The following OR1J2 variants were observed in gnomAD, a reference collection of about 807,000 sequenced individuals.
The protein encoded by OR1J2 is olfactory receptor family 1 subfamily J member 2, also known as olfactory receptor 1J2.
For synonymous variants in OR1J2, 142 were observed against 99.7 expected (o/e 1.42, Z -2.52); for missense variants, 304 against 246.1 (o/e 1.24, Z -1.57).
chr9:122,518,385 C>A, the OR1J2 span, among the ~76,000 whole-genome samples: 1,420 of 152,308 alleles, frequency 9.3e-3, 21 homozygotes, highest in African/African-American at 0.033. Flanking sequence ...AGCCCCAGAT[C>A]AAGGTACCAG....
chr9:122,493,864 G>A, the OR1J2 span, among the ~76,000 whole-genome samples: 6 of 152,088 alleles, frequency 3.9e-5, no homozygotes, highest in African/African-American at 1.4e-4. Context: ...CACTGCTTTT[G>A]CTGTATCCCA....
downstream of OR1J2, among the ~76,000 whole-genome samples, chr9:122,516,581 G>T (rs529398074): frequency 1.3e-5 from 2 of 152,148 alleles, no homozygotes; most frequent in Non-Finnish European, 2.9e-5. Context: ...GGGATTACAG[G>T]CGTGAGCCAC....
the OR1J2 span, among the ~76,000 whole-genome samples, chr9:122,578,908 T>C: frequency 6.6e-6 from 1 of 151,876 alleles, no homozygotes; most frequent in African/African-American, 2.4e-5. Context: ...AACTTAAACA[T>C]GTAACCAAAC....
chr9:122,554,973 A>G, the OR1J2 span, among the ~76,000 whole-genome samples: 2 of 152,088 alleles, frequency 1.3e-5, no homozygotes, highest in African/African-American at 4.8e-5. Flanking sequence ...ATTTGATGCA[A>G]AGCAATCTGG....
chr9:122,465,770 C>T, the OR1J2 span, among the ~76,000 whole-genome samples: 73 of 152,318 alleles, frequency 4.8e-4, no homozygotes, highest in African/African-American at 1.7e-3. Flanking sequence ...ACTTGTTCCT[C>T]GTTGGAGGAG....
the OR1J2 span, among the ~76,000 whole-genome samples, chr9:122,493,952 A>G: frequency 1.3e-5 from 2 of 152,210 alleles, no homozygotes; most frequent in African/African-American, 4.8e-5. Context: ...ACAATCATTC[A>G]GGAACAGGTT....
At chr9:122,477,106 G>T in the OR1J2 span, 2 of 1,613,704 alleles carry the variant, frequency 1.2e-6, no homozygotes, top group Non-Finnish European at 8.5e-7. Context: ...TATCACTGAA[G>T]CAATTATGTT....
At chr9:122,548,898 T>G in the OR1J2 span, among the ~76,000 whole-genome samples, 2 of 151,988 alleles carry the variant, frequency 1.3e-5, no homozygotes, top group African/African-American at 4.8e-5. Flanking sequence ...TTGGCAAATA[T>G]TTTCTCCCAT....
chr9:122,559,555 T>C, the OR1J2 span, among the ~76,000 whole-genome samples: 1 of 152,230 alleles, frequency 6.6e-6, no homozygotes, highest in African/African-American at 2.4e-5. Flanking sequence ...AAAGAACTTC[T>C]TGATTTCTGC....
chr9:122,471,037 G>A, the OR1J2 span, among the ~76,000 whole-genome samples: 1 of 152,196 alleles, frequency 6.6e-6, no homozygotes, highest in South Asian at 2.1e-4. Flanking sequence ...GGACTTTTGG[G>A]TTAATGCTGA....
upstream of OR1J2, among the ~76,000 whole-genome samples, chr9:122,508,004 C>T (rs1446897629): frequency 6.6e-6 from 1 of 151,866 alleles, no homozygotes; most frequent in South Asian, 2.1e-4. Context: ...AATGCCACAA[C>T]CAAAGTTTTA....
chr9:122,530,116 A>G, the OR1J2 span, among the ~76,000 whole-genome samples: 1 of 152,192 alleles, frequency 6.6e-6, no homozygotes. Flanking sequence ...AGAGACTAAG[A>G]TTGTAGATAA....
the OR1J2 span, among the ~76,000 whole-genome samples, chr9:122,465,697 AC>A: frequency 2.6e-5 from 4 of 152,208 alleles, no homozygotes; most frequent in African/African-American, 9.7e-5. Flanking sequence ...CTTATGAGAT[AC>A]CATGTCAAAA....
At chr9:122,507,561 G>A (rs1437278575), upstream of OR1J2, among the ~76,000 whole-genome samples, 2 of 152,124 alleles carry the variant, frequency 1.3e-5, no homozygotes, top group South Asian at 2.1e-4. Flanking sequence ...TTCCCTCCCT[G>A]GTAAGTAGTG....
the OR1J2 span, among the ~76,000 whole-genome samples, chr9:122,534,111 G>A: frequency 2.0e-5 from 3 of 152,170 alleles, no homozygotes; most frequent in Admixed American, 2.0e-4. Context: ...GCTCCTGGGG[G>A]AGGCGGGCCT....
chr9:122,538,176 C>T, the OR1J2 span, among the ~76,000 whole-genome samples: 3 of 149,268 alleles, frequency 2.0e-5, no homozygotes, highest in Non-Finnish European at 4.5e-5. Context: ...CTGCCTGGTA[C>T]AAGTTCCCTT....
the OR1J2 span, among the ~76,000 whole-genome samples, chr9:122,483,205 T>G: frequency 1.3e-5 from 2 of 152,224 alleles, no homozygotes; most frequent in African/African-American, 4.8e-5. Context: ...GCTTATCTGT[T>G]AAATATTTCT....
At chr9:122,548,258 C>G in the OR1J2 span, among the ~76,000 whole-genome samples, 1 of 152,078 alleles carries the variant, frequency 6.6e-6, no homozygotes, top group South Asian at 2.1e-4. Flanking sequence ...GGGGTTTGGG[C>G]TGGGGTAGTT....
chr9:122,482,360 C>CA, the OR1J2 span, among the ~76,000 whole-genome samples: 6 of 151,796 alleles, frequency 4.0e-5, no homozygotes, highest in Non-Finnish European at 8.8e-5. Context: ...ATCAAAAAGA[C>CA]AAAAAAATAC....
Sources: gnomAD v4.1 joint callset for allele counts (sites outside exome capture counted in the v4.1 genomes callset) on GRCh38, gnomAD v4.1.1 for gene constraint, MANE v1.5 for transcripts, NCBI Gene and HGNC (gene_info 2026-07-23, HGNC 2026-07-21) for gene names.